The following RFFL variants were observed in gnomAD, a reference collection of about 807,000 sequenced individuals.
The protein encoded by RFFL is ring finger and FYVE like domain containing E3 ubiquitin protein ligase, also known as E3 ubiquitin-protein ligase rififylin.
RFFL carries 16 observed loss-of-function variants against 40.4 expected under a neutral mutation model. The ratio of observed to expected loss-of-function variants is 0.40; its 90% CI spans 0.27 to 0.60. The LOEUF is 0.60. Ranked by LOEUF, RFFL falls within the 20% of genes least tolerant of loss-of-function variation. The pLI, the probability that RFFL is intolerant of heterozygous loss-of-function variation, is 0.47. For synonymous variants in RFFL, 154 were observed against 167.9 expected (o/e 0.92, Z 0.64); for missense variants, 367 against 451.7 (o/e 0.81, Z 1.70).
intron 1 of RFFL, among the ~76,000 whole-genome samples, chr17:35,060,680 C>T (rs2091286152): frequency 6.6e-6 from 1 of 152,134 alleles, no homozygotes; most frequent in Non-Finnish European, 1.5e-5. Flanking sequence ...TGGCAGGTAA[C>T]ACATACAAAA....
chr17:35,061,144 A>G, intron 1 of RFFL, among the ~76,000 whole-genome samples: 1 of 152,236 alleles, frequency 6.6e-6, no homozygotes, highest in Non-Finnish European at 1.5e-5. Context: ...GAAAGCTTTT[A>G]GAAGTCAAGC....
At chr17:35,080,214 ATAGTT>A (rs1335955159) in intron 1 of RFFL, among the ~76,000 whole-genome samples, 2 of 152,186 alleles carry the variant, frequency 1.3e-5, no homozygotes, top group African/African-American at 4.8e-5. Context: ...AATAATTAGT[ATAGTT>A]AAGATGGTAC....
At chr17:35,046,438 G>T (rs996146439) in intron 1 of RFFL, among the ~76,000 whole-genome samples, 2 of 152,132 alleles carry the variant, frequency 1.3e-5, no homozygotes, top group Admixed American at 6.5e-5. Context: ...CCCAGGTCTG[G>T]GTGTACCTTT....
intron 1 of RFFL, chr17:35,088,700 C>G (rs1346909629): frequency 2.6e-5 from 4 of 152,260 alleles, no homozygotes; most frequent in Non-Finnish European, 5.9e-5. Flanking sequence ...GAGATAGGGA[C>G]GGGCTGGTTC....
intron 1 of RFFL, among the ~76,000 whole-genome samples, chr17:35,037,257 C>T (rs929624990): frequency 7.2e-5 from 11 of 152,164 alleles, no homozygotes; most frequent in South Asian, 2.1e-4. Flanking sequence ...GAGGGTGGTA[C>T]GCCTACTGTC....
At chr17:35,085,093 C>A (rs915285629) in intron 1 of RFFL, among the ~76,000 whole-genome samples, 3 of 152,146 alleles carry the variant, frequency 2.0e-5, no homozygotes, top group Non-Finnish European at 4.4e-5. Flanking sequence ...GGGAAATCTG[C>A]ATTTTTAAAG....
intron 2 of RFFL, among the ~76,000 whole-genome samples, chr17:35,025,801 A>T (rs538962559): frequency 8.5e-5 from 13 of 152,204 alleles, no homozygotes; most frequent in Non-Finnish European, 1.6e-4. Context: ...TTTTTTTTCC[A>T]GCTCATTCAT....
chr17:35,041,727 A>G (rs920391848), intron 1 of RFFL, among the ~76,000 whole-genome samples: 1 of 152,050 alleles, frequency 6.6e-6, no homozygotes, highest in Non-Finnish European at 1.5e-5. Flanking sequence ...TTATAATTCT[A>G]AAATGATGGC....
chr17:35,071,579 T>C (rs1348964002), intron 1 of RFFL, among the ~76,000 whole-genome samples: 7 of 151,488 alleles, frequency 4.6e-5, no homozygotes, highest in Non-Finnish European at 7.4e-5. Context: ...GATCGCACCA[T>C]TGCACTCCAG....
intron 1 of RFFL, among the ~76,000 whole-genome samples, chr17:35,033,997 G>A (rs1428714212): frequency 6.6e-6 from 1 of 151,732 alleles, no homozygotes; most frequent in Non-Finnish European, 1.5e-5. Context: ...AAAAAAATTA[G>A]CCAGACGTGG....
chr17:35,038,905 T>C (rs2091143891), intron 1 of RFFL, among the ~76,000 whole-genome samples: 2 of 152,330 alleles, frequency 1.3e-5, no homozygotes, highest in South Asian at 4.1e-4. Context: ...AAAGTTTATA[T>C]GAGTGTTGTG....
At chr17:35,084,091 T>C (rs2091416934) in intron 1 of RFFL, among the ~76,000 whole-genome samples, 1 of 151,354 alleles carries the variant, frequency 6.6e-6, no homozygotes, top group Non-Finnish European at 1.5e-5. Flanking sequence ...ACACAAAAAT[T>C]AGCCGGGCGC....
upstream of RFFL, among the ~76,000 whole-genome samples, chr17:35,067,007 T>C (rs2091323920): frequency 6.6e-6 from 1 of 152,032 alleles, no homozygotes; most frequent in South Asian, 2.1e-4. Flanking sequence ...CAATTAACTC[T>C]AGGGGTACTT....
At chr17:35,018,609 C>T (rs2090988897) in intron 3 of RFFL, 1 of 152,192 alleles carries the variant, frequency 6.6e-6, no homozygotes, top group Non-Finnish European at 1.5e-5. Context: ...CAAAGACACC[C>T]ACCGACCCCA....
chr17:35,062,230 CT>C (rs2142369298), intron 1 of RFFL, among the ~76,000 whole-genome samples: 1 of 152,044 alleles, frequency 6.6e-6, no homozygotes, highest in African/African-American at 2.4e-5. Context: ...TGGTGAAACA[CT>C]GTCTCTACTA....
chr17:35,084,773 G>A (rs1359854039), intron 1 of RFFL, among the ~76,000 whole-genome samples: 1 of 151,432 alleles, frequency 6.6e-6, no homozygotes, highest in Non-Finnish European at 1.5e-5. Flanking sequence ...GTGGGTGCCT[G>A]TAATCCCAGC....
chr17:35,015,761 C>T (rs1260520930), intron 5 of RFFL, among the ~76,000 whole-genome samples: 3 of 152,242 alleles, frequency 2.0e-5, no homozygotes, highest in Non-Finnish European at 4.4e-5. Context: ...CATTTCTCTT[C>T]TGCAGGACTT....
chr17:35,048,378 G>A (rs986198613), intron 1 of RFFL, among the ~76,000 whole-genome samples: 1 of 151,788 alleles, frequency 6.6e-6, no homozygotes, highest in Non-Finnish European at 1.5e-5. Context: ...CTCCAGCCTG[G>A]GCGACAGAGC....
intron 1 of RFFL, among the ~76,000 whole-genome samples, chr17:35,076,232 G>C (rs2091375683): frequency 6.6e-6 from 1 of 151,388 alleles, no homozygotes; most frequent in South Asian, 2.1e-4. Context: ...GACCTCAAGT[G>C]ATCCGCCCGC....
Sources: gnomAD v4.1 joint callset for allele counts (sites outside exome capture counted in the v4.1 genomes callset) on GRCh38, gnomAD v4.1.1 for gene constraint, MANE v1.5 for transcripts, NCBI Gene and HGNC (gene_info 2026-07-23, HGNC 2026-07-21) for gene names.